The following RPS6KC1 variants were observed in gnomAD, a reference collection of about 807,000 sequenced individuals.
The protein encoded by RPS6KC1 is ribosomal protein S6 kinase C1.
A neutral mutation model predicts 103.8 loss-of-function variants in RPS6KC1; 54 were observed. That is an observed-to-expected ratio of 0.52 (90% CI 0.42 to 0.65). The LOEUF is 0.65. Ranked by LOEUF, RPS6KC1 falls within the 30% of genes least tolerant of loss-of-function variation. The pLI is 0.00. For missense variants in RPS6KC1, 1,151 were observed against 1,253.8 expected, an observed-to-expected ratio of 0.92 and a Z score of 1.24; for synonymous variants, 439 against 438.7, an observed-to-expected ratio of 1.00 and a Z score of -0.01.
At chr1:213,413,965 G>A in the RPS6KC1 span, among the ~76,000 whole-genome samples, 3 of 152,212 alleles carry the variant, frequency 2.0e-5, no homozygotes, top group African/African-American at 4.8e-5. Flanking sequence ...GGCTGACTCC[G>A]AGGATAAAAG....
the RPS6KC1 span, among the ~76,000 whole-genome samples, chr1:213,500,462 T>C: frequency 6.6e-6 from 1 of 152,072 alleles, no homozygotes; most frequent in Non-Finnish European, 1.5e-5. Context: ...GTAGAAGGAG[T>C]ACACTTTAAA....
chr1:213,835,691 C>T, the RPS6KC1 span, among the ~76,000 whole-genome samples: 6 of 152,196 alleles, frequency 3.9e-5, no homozygotes, highest in Admixed American at 6.5e-5. Flanking sequence ...GTACCAGGCT[C>T]ACACTTCATT....
chr1:213,648,529 C>T, the RPS6KC1 span, among the ~76,000 whole-genome samples: 1 of 152,112 alleles, frequency 6.6e-6, no homozygotes, highest in Non-Finnish European at 1.5e-5. Flanking sequence ...AACTCCACTG[C>T]ACCCACAACT....
the RPS6KC1 span, among the ~76,000 whole-genome samples, chr1:213,332,079 T>A: frequency 1.3e-5 from 2 of 151,772 alleles, no homozygotes; most frequent in African/African-American, 4.8e-5. Context: ...GGAAAAAAAT[T>A]TCCATACATG....
At chr1:213,100,352 A>C (rs967965388) in intron 3 of RPS6KC1, among the ~76,000 whole-genome samples, 3 of 152,076 alleles carry the variant, frequency 2.0e-5, no homozygotes, top group South Asian at 2.1e-4. Flanking sequence ...ATGTTTTGCA[A>C]ATGTTTTCTC....
chr1:213,692,847 C>A, the RPS6KC1 span, among the ~76,000 whole-genome samples: 4 of 152,094 alleles, frequency 2.6e-5, no homozygotes, highest in Non-Finnish European at 4.4e-5. Flanking sequence ...TGGCTATGAC[C>A]AATTATTATT....
chr1:213,335,514 G>C, the RPS6KC1 span, among the ~76,000 whole-genome samples: 1 of 152,170 alleles, frequency 6.6e-6, no homozygotes, highest in African/African-American at 2.4e-5. Flanking sequence ...ATTCTAACCA[G>C]CAGAAAGGAC....
chr1:213,234,189 T>G (rs2094172010), intron 10 of RPS6KC1, among the ~76,000 whole-genome samples: 1 of 151,596 alleles, frequency 6.6e-6, no homozygotes, highest in South Asian at 2.1e-4. Context: ...TTTAAAATTT[T>G]TTGTAGAGAT....
At chr1:213,670,427 A>G in the RPS6KC1 span, among the ~76,000 whole-genome samples, 1 of 152,212 alleles carries the variant, frequency 6.6e-6, no homozygotes, top group African/African-American at 2.4e-5. Flanking sequence ...AGCAACAGAG[A>G]CAGCTAGCTC....
At chr1:213,793,148 T>C in the RPS6KC1 span, among the ~76,000 whole-genome samples, 1,191 of 152,280 alleles carry the variant, frequency 7.8e-3, 25 homozygotes, top group Admixed American at 0.052. Flanking sequence ...GGTCGTGACA[T>C]TGGTGAGCCT....
intron 4 of RPS6KC1, among the ~76,000 whole-genome samples, chr1:213,105,599 T>C (rs1572556083): frequency 1.3e-5 from 2 of 152,186 alleles, no homozygotes; most frequent in Admixed American, 1.3e-4. Context: ...TTGAAAGATA[T>C]TGCAAATTTA....
At chr1:213,139,547 A>G (rs2086774842) in intron 6 of RPS6KC1, among the ~76,000 whole-genome samples, 1 of 151,962 alleles carries the variant, frequency 6.6e-6, no homozygotes, top group African/African-American at 2.4e-5. Context: ...TCCATTTCCA[A>G]TCTTTTGCAT....
chr1:213,668,226 A>G, the RPS6KC1 span, among the ~76,000 whole-genome samples: 261 of 152,276 alleles, frequency 1.7e-3, no homozygotes, highest in African/African-American at 6.0e-3. Context: ...GCCTTACAAA[A>G]TATGTTTTTT....
chr1:213,141,311 G>C (rs1237882626), intron 6 of RPS6KC1, among the ~76,000 whole-genome samples: 1 of 152,012 alleles, frequency 6.6e-6, no homozygotes, highest in Non-Finnish European at 1.5e-5. Context: ...TTATTGATCT[G>C]TTCAGATACT....
chr1:213,090,473 T>C (rs969669951), intron 3 of RPS6KC1, among the ~76,000 whole-genome samples: 4 of 152,234 alleles, frequency 2.6e-5, no homozygotes, highest in Non-Finnish European at 4.4e-5. Context: ...TTATAGGTGA[T>C]GATGTCATCA....
chr1:213,608,518 C>T, the RPS6KC1 span, among the ~76,000 whole-genome samples: 4 of 152,070 alleles, frequency 2.6e-5, no homozygotes, highest in East Asian at 1.9e-4. Context: ...GTGGGGATGA[C>T]GTCAAAGGTC....
chr1:213,803,449 G>A, the RPS6KC1 span, among the ~76,000 whole-genome samples: 1 of 152,006 alleles, frequency 6.6e-6, no homozygotes, highest in Non-Finnish European at 1.5e-5. Context: ...GTTTCACTAT[G>A]GTGGCCAGGC....
chr1:213,766,124 C>A, the RPS6KC1 span, among the ~76,000 whole-genome samples: 1 of 152,226 alleles, frequency 6.6e-6, no homozygotes, highest in South Asian at 2.1e-4. Flanking sequence ...TAGACCAGAT[C>A]TGTAGCTAAT....
the RPS6KC1 span, among the ~76,000 whole-genome samples, chr1:213,467,652 T>G: frequency 4.6e-5 from 7 of 152,274 alleles, no homozygotes; most frequent in South Asian, 1.5e-3. Flanking sequence ...GGGGTAAAAA[T>G]TCCATGTGGT....
Sources: gnomAD v4.1 joint callset for allele counts (sites outside exome capture counted in the v4.1 genomes callset) on GRCh38, gnomAD v4.1.1 for gene constraint, MANE v1.5 for transcripts, NCBI Gene and HGNC (gene_info 2026-07-23, HGNC 2026-07-21) for gene names.